Variants in PTH1R observed in about 807,000 individuals in gnomAD.
PTH1R encodes parathyroid hormone/parathyroid hormone-related peptide receptor.
In PTH1R, 32 loss-of-function variants were observed where a neutral mutation model predicts 70.7. The observed-to-expected ratio is 0.45, with a 90% CI of 0.34 to 0.61. PTH1R has a LOEUF of 0.61. Ranked by LOEUF, PTH1R falls within the 20% of genes least tolerant of loss-of-function variation. PTH1R has a pLI of 0.01. For synonymous variants in PTH1R, 329 were observed against 324.8 expected (o/e 1.01, Z -0.14); for missense variants, 626 against 792.5 (o/e 0.79, Z 2.52).
At chr3:46,897,260 C>G (rs2031807680) in intron 5 of PTH1R, among the ~76,000 whole-genome samples, 5 of 152,268 alleles carry the variant, frequency 3.3e-5, no homozygotes. Flanking sequence ...AGCAAGTTGC[C>G]TACCTCTCTT....
Position 46,893,255 on chromosome 3 carries a change from G to A in PTH1R, c.76-652G>A, listed in dbSNP as rs976526773. On this transcript the variant is annotated intron_variant, in intron 3 of 15. Transcript: ENST00000449590. This position sits in a 1 kb window ranked among gnomAD's most constrained non-coding sequence, Gnocchi z 5.2. ...AGCTCCCAGATAAGCAGTGGAATGA[G>A]AGGGACTCCCACCCCCAGCCAGCAC... Among the ~76,000 whole-genome samples the A allele has an allele frequency of 2.0e-5, 3 of 152,108 alleles. No homozygotes were observed. The highest frequency in any genetic ancestry group is 7.2e-5 in the African/African-American group (3 of 41,394).
Position 46,883,141 on chromosome 3 carries a change from A to G in PTH1R, c.-48-371A>G, listed in dbSNP as rs1173354441. ...AAGCCACAGCTCCCATTTCCCCAAA[A>G]GAAAAAAAAAGAAAGAAAGAAAGAA... is the stretch of plus-strand genomic sequence containing the variant. On this transcript the variant is annotated intron_variant, in intron 2 of 15. Transcript: ENST00000449590. This position sits in a 1 kb window ranked among gnomAD's most constrained non-coding sequence, Gnocchi z 6.4. Among the ~76,000 whole-genome samples, 15 of 94,086 alleles carry G rather than the reference A, an allele frequency of 1.6e-4. No homozygotes were observed. The highest frequency in any genetic ancestry group is 1.6e-3 in the Admixed American group (15 of 9,658). The allele number at this position is 94,086 out of a possible 152,430, so 61.7% of individuals were successfully genotyped here. A position where few individuals can be genotyped will look rare whatever the true frequency, so the allele number is the denominator to read the frequency against.
At chr3:46,885,092 T>A (rs1244988910) in intron 3 of PTH1R, among the ~76,000 whole-genome samples, 1 of 151,998 alleles carries the variant, frequency 6.6e-6, no homozygotes, top group Non-Finnish European at 1.5e-5. Context: ...CGGAGTTTGG[T>A]GTGTGACGGC....
At position 46,895,236 on chromosome 3, in the gene PTH1R, A is replaced by G. The variant is rs145316716; in HGVS notation, c.179-499A>G. On this transcript the variant is annotated intron_variant, in intron 4 of 15. Coordinates refer to ENST00000449590, the MANE Select transcript of PTH1R (RefSeq NM_000316.3). ...GGGGATGGGGTGGTCTTCTCTGTCC[A>G]CTCTTGACTGTACCACCTTGCTCTT... Among the ~76,000 whole-genome samples the G allele has an allele frequency of 6.9e-4, 105 of 151,954 alleles. No individual in the cohort carries two copies. The East Asian group carries it at 0.016, about 23-fold the overall frequency.
chr3:46,898,658 G>A lies in PTH1R; in HGVS notation c.639-4G>A, dbSNP rs1237806814. On this transcript the variant is annotated splice_polypyrimidine_tract_variant and splice_region_variant and intron_variant, in intron 8 of 15. Coordinates refer to ENST00000449590, the MANE Select transcript of PTH1R (RefSeq NM_000316.3). ...CACCCACGGTCATGTCGCGCGCCCC[G>A]CAGGCGGCTGCACTGCACGCGCAAC... The A allele has an allele frequency of 6.2e-7, 1 of 1,611,544 alleles. No individual in the cohort carries two copies. The highest frequency in any genetic ancestry group is 8.5e-7 in the Non-Finnish European group (1 of 1,179,648).
At chr3:46,887,219 G>A (rs2031092055) in intron 3 of PTH1R, among the ~76,000 whole-genome samples, 1 of 151,380 alleles carries the variant, frequency 6.6e-6, no homozygotes, top group African/African-American at 2.4e-5. Context: ...CACCCTGGGC[G>A]ACAGAGGCTC....
Position 46,902,414 on chromosome 3 carries a change from G to A in PTH1R, c.1212-112G>A. 7.0e-7 allele frequency: 1 copy of A among 1,429,888 alleles called. No individual in the cohort carries two copies. Among genetic ancestry groups the A allele is most frequent in the Non-Finnish European group, 9.6e-7 (1 of 1,040,848 alleles). 88.6% of individuals were successfully genotyped at this position (1,429,888 alleles called of 1,614,324 possible). A position where few individuals can be genotyped will look rare whatever the true frequency, so the allele number is the denominator to read the frequency against. On this transcript the variant is annotated intron_variant, in intron 13 of 15. Transcript: ENST00000449590. The surrounding 1 kb of genome is among the most constrained non-coding windows in gnomAD (Gnocchi z 5.4). The stretch of plus-strand genomic sequence containing the variant: ...GGGTTGTCCTCCCATGGTGACTGGA[G>A]CCCTGGGCCCCTTTGAGCTTCCGGA...
chr3:46,890,891 G>A (rs2031377289), intron 3 of PTH1R, among the ~76,000 whole-genome samples: 1 of 152,200 alleles, frequency 6.6e-6, no homozygotes, highest in African/African-American at 2.4e-5. Context: ...GTCAAGGGTG[G>A]AGGTGGGATT....
chr3:46,881,610 G>T (rs985100825), intron 2 of PTH1R, among the ~76,000 whole-genome samples: 1 of 152,226 alleles, frequency 6.6e-6, no homozygotes, highest in African/African-American at 2.4e-5. Context: ...CGCTGGGCAG[G>T]GAGGGAGCGG....
At chr3:46,900,988 C>A (rs199778687) in intron 10 of PTH1R, 37 bp from the exon 11 acceptor site, 31 of 1,560,202 alleles carry the variant, frequency 2.0e-5, no homozygotes, top group Non-Finnish European at 2.7e-5. Flanking sequence ...TGGACAGCAG[C>A]CACAGTCCTG....
In PTH1R at chr3:46,892,687, T is replaced by C. The variant is rs1447440625; in HGVS notation, c.76-1220T>C. The C allele has an allele frequency of 2.0e-6, 2 of 980,366 alleles. No individual in the cohort carries two copies. Among genetic ancestry groups the C allele is most frequent in the African/African-American group, 3.5e-5 (2 of 57,140 alleles). 60.7% of individuals were successfully genotyped at this position (980,366 alleles called of 1,614,324 possible). A position where few individuals can be genotyped will look rare whatever the true frequency, so the allele number is the denominator to read the frequency against. ...CCGCCCCATGCCCGACCCGCCTTCT[T>C]CCTCCCCTGCCTCCTCTGGGTCCTC... On this transcript the variant is annotated intron_variant, in intron 3 of 15. Coordinates refer to ENST00000449590, the MANE Select transcript of PTH1R (RefSeq NM_000316.3). This position sits in a 1 kb window ranked among gnomAD's most constrained non-coding sequence, Gnocchi z 5.2.
chr3:46,889,513 G>C (rs886263758), intron 3 of PTH1R, among the ~76,000 whole-genome samples: 1 of 152,138 alleles, frequency 6.6e-6, no homozygotes, highest in Non-Finnish European at 1.5e-5. Flanking sequence ...CTCCATCCCT[G>C]GCCCTCCTCT....
At position 46,901,006 on chromosome 3, in the gene PTH1R, T is replaced by C. The variant is rs766835565; in HGVS notation, c.989-19T>C. 6.3e-7 allele frequency: 1 copy of C among 1,574,816 alleles called. No individual in the cohort carries two copies. On this transcript the variant is annotated intron_variant, in intron 10 of 15. Coordinates refer to ENST00000449590, the MANE Select transcript of PTH1R (RefSeq NM_000316.3). The surrounding 1 kb of genome is among the most constrained non-coding windows in gnomAD (Gnocchi z 7.3). The stretch of plus-strand genomic sequence containing the variant: ...ACAGCAGCCACAGTCCTGCACACTG[T>C]CCCCCTCTGTGCCCACAGGTCTGCC...
Position 46,900,895 on chromosome 3 carries a change from T to A in PTH1R, c.989-130T>A, listed in dbSNP as rs2032075083. 6 of 1,011,258 alleles carry A rather than the reference T, an allele frequency of 5.9e-6. No individual in the cohort carries two copies. The Admixed American group carries it at 1.2e-4, about 20-fold the overall frequency. 62.6% of individuals were successfully genotyped at this position (1,011,258 alleles called of 1,614,324 possible). ...GGCAGAGTGTGGCTCTGTCACCAAG[T>A]GGACCAAGTGCCCAGTGTCAGGGGT... is the stretch of plus-strand genomic sequence containing the variant. On this transcript the variant is annotated intron_variant, in intron 10 of 15. Transcript: ENST00000449590.
At position 46,884,013 on chromosome 3, in the gene PTH1R, C is replaced by T. The variant is rs931228408; in HGVS notation, c.75+379C>T. Among the ~76,000 whole-genome samples, 17 of 152,354 alleles carry T rather than the reference C, an allele frequency of 1.1e-4. No homozygotes were observed. In the Middle Eastern group the frequency reaches 0.01, roughly 91 times the overall value. On this transcript the variant is annotated intron_variant, in intron 3 of 15. Transcript: ENST00000449590. The surrounding 1 kb of genome is among the most constrained non-coding windows in gnomAD (Gnocchi z 4.8). ...ACTTTGCTTTGGGGACCTCTGTTTT[C>T]TGCAAGTTTTGTTGCAGTCCCGGAC...
chr3:46,887,456 GAAA>G (rs771034289), intron 3 of PTH1R, among the ~76,000 whole-genome samples: 41 of 63,936 alleles, frequency 6.4e-4, no homozygotes, highest in Admixed American at 4.6e-3. Context: ...CCCTGTCTCT[GAAA>G]AAAAAAAAAA....
At position 46,893,806 on chromosome 3, in the gene PTH1R, G is replaced by C; in HGVS notation, c.76-101G>C. 1 of 1,054,454 alleles carries C rather than the reference G, an allele frequency of 9.5e-7. No individual in the cohort carries two copies. Among genetic ancestry groups the C allele is most frequent in the Non-Finnish European group, 1.4e-6 (1 of 690,000 alleles). 65.3% of individuals were successfully genotyped at this position (1,054,454 alleles called of 1,614,324 possible). Reference sequence around the variant, plus strand: ...ATCCCACCTTCCCTCTAGAGTCAGGGCCTTTTGAAAGGGGGTAGTCCCTCT... The same window carrying C: ...ATCCCACCTTCCCTCTAGAGTCAGGCCCTTTTGAAAGGGGGTAGTCCCTCT... On this transcript the variant is annotated intron_variant, in intron 3 of 15. Transcript: ENST00000449590. The surrounding 1 kb of genome is among the most constrained non-coding windows in gnomAD (Gnocchi z 5.2).
Position 46,903,598 on chromosome 3 carries a change from C to T in PTH1R, c.1724C>T (p.Ala575Val). ...NGSCSGLDEE[A>V]SGPERPPALL... ...TCCTGCTCAGGCCTGGACGAGGAGGCCTCTGGGCCTGAGCGGCCACCTGCC... is the reference window on the plus strand; with the variant it reads ...TCCTGCTCAGGCCTGGACGAGGAGGTCTCTGGGCCTGAGCGGCCACCTGCC... Residue 575 changes from alanine to valine, a missense_variant, in exon 16 of 16, where the codon GCC becomes GTC. Ala to Val is a moderately conservative substitution (Grantham distance 64). Around this residue, in one of 3 missense-constraint regions of PTH1R, gnomAD observed 495 missense variants for 638.7 expected, o/e 0.77. Coordinates refer to ENST00000449590, the MANE Select transcript of PTH1R (RefSeq NM_000316.3). This position sits in a 1 kb window ranked among gnomAD's most constrained non-coding sequence, Gnocchi z 4.4. The T allele has an allele frequency of 1.2e-6, 2 of 1,613,430 alleles. No homozygotes were observed. Among genetic ancestry groups the T allele is most frequent in the Non-Finnish European group, 1.7e-6 (2 of 1,180,014 alleles).
intron 9 of PTH1R, 107 bp downstream of exon 9, chr3:46,898,964 C>G: frequency 1.2e-6 from 1 of 848,102 alleles, no homozygotes; most frequent in Non-Finnish European, 1.7e-6. Context: ...CCTGCCAGCG[C>G]CACTGGCTTC....
Sources: allele counts gnomAD v4.1 joint callset (sites outside exome capture counted in the v4.1 genomes callset), GRCh38; gene constraint gnomAD v4.1.1; regional missense constraint gnomAD v4.1.1; non-coding constraint Gnocchi (gnomAD v3.1); transcripts MANE v1.5; gene names NCBI Gene and HGNC (gene_info 2026-07-23, HGNC 2026-07-21).